DSCAM: variants seen among roughly 807,000 people sequenced by gnomAD.
The protein encoded by DSCAM is cell adhesion molecule DSCAM.
DSCAM carries 47 observed loss-of-function variants against 217.7 expected under a neutral mutation model. The ratio of observed to expected loss-of-function variants is 0.22; its 90% CI spans 0.17 to 0.28. The LOEUF (loss-of-function observed/expected upper bound fraction) is 0.28, where lower values mean the gene tolerates loss of function less well. DSCAM is among the 10% of genes least tolerant of loss of function. DSCAM has a pLI of 1.00. For missense variants in DSCAM, 2,080 were observed against 2,618.3 expected (o/e 0.79, Z 4.49); for synonymous variants, 1,056 against 1,015.3 (o/e 1.04, Z -0.76).
intron 3 of DSCAM, among the ~76,000 whole-genome samples, chr21:40,433,214 C>T (rs1019793083): frequency 1.3e-5 from 2 of 151,782 alleles, no homozygotes; most frequent in East Asian, 1.9e-4. Flanking sequence ...AAAAATTAGC[C>T]GGGCATGGTA....
intron 3 of DSCAM, among the ~76,000 whole-genome samples, chr21:40,669,070 T>G (rs1279081837): frequency 3.3e-5 from 5 of 152,166 alleles, no homozygotes; most frequent in Non-Finnish European, 5.9e-5. Context: ...AAAGCCAAGC[T>G]CAAGACCTTC....
chr21:40,646,120 A>T (rs9984489), intron 3 of DSCAM, among the ~76,000 whole-genome samples: 6 of 151,986 alleles, frequency 3.9e-5, no homozygotes, highest in African/African-American at 1.5e-4. Flanking sequence ...AGGCCTAGAA[A>T]TTAATCCTGA....
At chr21:40,472,716 T>C (rs1038506460) in intron 3 of DSCAM, among the ~76,000 whole-genome samples, 1 of 152,138 alleles carries the variant, frequency 6.6e-6, no homozygotes, top group Non-Finnish European at 1.5e-5. Flanking sequence ...TTTAAATGGT[T>C]TGTGTGTTTA....
chr21:40,477,244 A>C (rs543776415), intron 3 of DSCAM, among the ~76,000 whole-genome samples: 1 of 152,330 alleles, frequency 6.6e-6, no homozygotes. Flanking sequence ...TAGAAAAATA[A>C]AACCAGCTCT....
At position 40,616,974 on chromosome 21, in the gene DSCAM, G is replaced by A. The variant is rs571307953; in HGVS notation, c.508+75836C>T. On this transcript the variant is annotated intron_variant, in intron 3 of 32. Transcript: ENST00000400454. ...GGAGCTTGCAGTGAGCCGAGATCCC[G>A]CCACTGCACTCCAGCCTGGGCGACA... Among the ~76,000 whole-genome samples the A allele has an allele frequency of 2.7e-3, 339 of 125,792 alleles. 2 individuals are homozygous for A. The highest frequency in any genetic ancestry group is 0.013 in the Middle Eastern group (2 of 156). The allele number at this position is 125,792 out of a possible 152,430, so 82.5% of individuals were successfully genotyped here.
At chr21:40,470,775 AACTCC>A (rs2075881909) in intron 3 of DSCAM, among the ~76,000 whole-genome samples, 1 of 152,114 alleles carries the variant, frequency 6.6e-6, no homozygotes, top group African/African-American at 2.4e-5. Context: ...GCTGGTCTTG[AACTCC>A]TGGACTAAAG....
At chr21:40,610,908 C>G (rs966109930) in intron 3 of DSCAM, among the ~76,000 whole-genome samples, 2 of 152,138 alleles carry the variant, frequency 1.3e-5, no homozygotes, top group African/African-American at 4.8e-5. Context: ...AGAATTTCTC[C>G]AAGTACATTT....
At position 40,012,426 on chromosome 21, in the gene DSCAM, C is replaced by G. The variant is rs1204545117; in HGVS notation, c.*608G>C. 1 of 152,140 alleles carries G rather than the reference C, an allele frequency of 6.6e-6. No individual in the cohort carries two copies. The highest frequency in any genetic ancestry group is 1.5e-5 in the Non-Finnish European group (1 of 68,040). 9.4% of individuals were successfully genotyped at this position (152,140 alleles called of 1,614,324 possible). A position where few individuals can be genotyped will look rare whatever the true frequency, so the allele number is the denominator to read the frequency against. ...CAGACATGGAAATAAAGGCAGACAA[C>G]CTTTTCTTTTTTATTTCGCTTAGAC... On this transcript the variant is annotated 3_prime_UTR_variant, in exon 33 of 33. Transcript: ENST00000400454.
chr21:40,225,495 G>A (rs1042395692), intron 11 of DSCAM, among the ~76,000 whole-genome samples: 1 of 151,960 alleles, frequency 6.6e-6, no homozygotes, highest in Non-Finnish European at 1.5e-5. Context: ...TCTTCAAAAC[G>A]GCTAAAATCC....
At chr21:40,587,344 G>A (rs1233787776) in intron 3 of DSCAM, among the ~76,000 whole-genome samples, 1 of 152,070 alleles carries the variant, frequency 6.6e-6, no homozygotes, top group African/African-American at 2.4e-5. Context: ...CCAATACAAT[G>A]CTAATCCACA....
intron 11 of DSCAM, among the ~76,000 whole-genome samples, chr21:40,189,622 G>T (rs1046888061): frequency 6.6e-6 from 1 of 152,174 alleles, no homozygotes; most frequent in Non-Finnish European, 1.5e-5. Flanking sequence ...CTGGTGGGGG[G>T]TAATTGAGTC....
intron 3 of DSCAM, among the ~76,000 whole-genome samples, chr21:40,415,414 T>A (rs16999740): frequency 6.6e-6 from 1 of 152,120 alleles, no homozygotes; most frequent in African/African-American, 2.4e-5. Flanking sequence ...TATACTGAGT[T>A]ATAGATGTAT....
chr21:40,046,965 T>A (rs1839781447), intron 30 of DSCAM, among the ~76,000 whole-genome samples: 1 of 152,052 alleles, frequency 6.6e-6, no homozygotes, highest in South Asian at 2.1e-4. Flanking sequence ...AAGTCGCACA[T>A]GCAGCCTTGA....
chr21:40,232,075 A>AT (rs150095711), intron 11 of DSCAM, among the ~76,000 whole-genome samples: 6 of 151,970 alleles, frequency 3.9e-5, no homozygotes, highest in Non-Finnish European at 1.5e-5. Flanking sequence ...GAATATAGTA[A>AT]TTTTTTTTGG....
intron 3 of DSCAM, among the ~76,000 whole-genome samples, chr21:40,612,561 G>T (rs569030909): frequency 1.3e-5 from 2 of 152,302 alleles, no homozygotes; most frequent in South Asian, 4.1e-4. Context: ...ACCCAGCAGA[G>T]GTCCTAGGCA....
intron 16 of DSCAM, among the ~76,000 whole-genome samples, chr21:40,146,582 GTTTTT>G (rs2090360132): frequency 6.6e-6 from 1 of 152,094 alleles, no homozygotes; most frequent in African/African-American, 2.4e-5. Context: ...AATCATTTTT[GTTTTT>G]CACAGCAAGT....
intron 20 of DSCAM, among the ~76,000 whole-genome samples, chr21:40,119,810 C>T (rs554591662): frequency 6.6e-6 from 1 of 151,764 alleles, no homozygotes; most frequent in African/African-American, 2.4e-5. Flanking sequence ...GGTCCGTGTT[C>T]CGTGTGAGAG....
intron 3 of DSCAM, among the ~76,000 whole-genome samples, chr21:40,545,630 T>A (rs1295091762): frequency 6.6e-6 from 1 of 152,022 alleles, no homozygotes; most frequent in African/African-American, 2.4e-5. Flanking sequence ...AAAACAGGTG[T>A]CCTGGGACAC....
At chr21:40,500,564 A>C (rs1271794534) in intron 3 of DSCAM, among the ~76,000 whole-genome samples, 1 of 152,198 alleles carries the variant, frequency 6.6e-6, no homozygotes, top group Non-Finnish European at 1.5e-5. Flanking sequence ...TTGACCTTGG[A>C]GATCTACATC....
Sources: allele counts gnomAD v4.1 joint callset (sites outside exome capture counted in the v4.1 genomes callset), GRCh38; gene constraint gnomAD v4.1.1; transcripts MANE v1.5; gene names NCBI Gene and HGNC (gene_info 2026-07-23, HGNC 2026-07-21).